The following CDK5RAP2 variants were observed in gnomAD, a reference collection of about 807,000 sequenced individuals.
CDK5RAP2 encodes the protein CDK5 regulatory subunit associated protein 2, also known as CDK5 regulatory subunit-associated protein 2.
CDK5RAP2 carries 147 observed loss-of-function variants against 232.9 expected under a neutral mutation model. The ratio of observed to expected loss-of-function variants is 0.63; its 90% CI spans 0.55 to 0.72. The LOEUF (loss-of-function observed/expected upper bound fraction) is 0.72, where lower values mean the gene tolerates loss of function less well. Ranked by LOEUF, CDK5RAP2 falls within the 30% of genes least tolerant of loss-of-function variation. The pLI, the probability that CDK5RAP2 is intolerant of heterozygous loss-of-function variation, is 0.00. For missense variants in CDK5RAP2, 2,195 were observed against 2,231.5 expected (o/e 0.98, Z 0.33); for synonymous variants, 833 against 833.7 (o/e 1.00, Z 0.01).
intron 18 of CDK5RAP2, among the ~76,000 whole-genome samples, chr9:120,460,974 C>T (rs79964630): frequency 0.078 from 11,932 of 152,156 alleles, 933 homozygotes; most frequent in African/African-American, 0.2. Flanking sequence ...TTAAAAATGC[C>T]GTCTATTATG....
rs752783563 is a variant in CDK5RAP2, at chr9:120,453,721, G to T, written c.2528C>A (p.Ser843Tyr). Residue 843 changes from serine (S) to tyrosine (Y), a missense_variant, in exon 21 of 38, where the codon TCC becomes TAC. Transcript: ENST00000349780. Reference sequence around the variant, plus strand: ...CAACTTCAGTTCATCATGTGGCTTGGAAAATGAGTTGGTTTGGACAAAATG... The same window carrying T: ...CAACTTCAGTTCATCATGTGGCTTGTAAAATGAGTTGGTTTGGACAAAATG... ...LVHFVQTNSF[S>Y]KPHDELKLSC... The T allele has an allele frequency of 6.2e-7, 1 of 1,614,218 alleles. No individual in the cohort carries two copies. The highest frequency in any genetic ancestry group is 8.5e-7 in the Non-Finnish European group (1 of 1,180,036).
At chr9:120,414,155 G>A (rs1179014721) in intron 28 of CDK5RAP2, among the ~76,000 whole-genome samples, 1 of 152,244 alleles carries the variant, frequency 6.6e-6, no homozygotes, top group Non-Finnish European at 1.5e-5. Context: ...CATTTACTGA[G>A]TGAGGCACTG....
chr9:120,460,513 G>A, intron 19 of CDK5RAP2, 59 bp downstream of exon 19: 5 of 1,511,298 alleles, frequency 3.3e-6, no homozygotes, highest in Non-Finnish European at 4.6e-6. Context: ...CAGACTCGAA[G>A]ACTGATTTGG....
chr9:120,536,563 A>C, intron 6 of CDK5RAP2, 37 bp from the exon 7 acceptor site: 1 of 1,599,836 alleles, frequency 6.3e-7, no homozygotes. Context: ...GCAATTTTTC[A>C]ATACAATTGG....
intron 3 of CDK5RAP2, among the ~76,000 whole-genome samples, chr9:120,552,962 T>C (rs908259189): frequency 2.0e-5 from 3 of 152,158 alleles, no homozygotes; most frequent in African/African-American, 7.2e-5. Context: ...TAGATGAATA[T>C]ACATGGTTGT....
chr9:120,391,205 T>G (rs530560217), intron 36 of CDK5RAP2, among the ~76,000 whole-genome samples: 1 of 152,046 alleles, frequency 6.6e-6, no homozygotes, highest in African/African-American at 2.4e-5. Context: ...TGAAGATGAT[T>G]GTGAAAGAGC....
At chr9:120,511,545 T>C (rs2040084160) in intron 12 of CDK5RAP2, among the ~76,000 whole-genome samples, 2 of 152,154 alleles carry the variant, frequency 1.3e-5, no homozygotes, top group Admixed American at 1.3e-4. Context: ...GTACTCTTTA[T>C]AAAAGCTCAC....
chr9:120,573,565 TA>T (rs547643481), intron 1 of CDK5RAP2, among the ~76,000 whole-genome samples: 5 of 145,892 alleles, frequency 3.4e-5, no homozygotes, highest in East Asian at 2.0e-4. Context: ...AAAAAAAATT[TA>T]AAAAAAAAAG....
At chr9:120,519,462 G>A (rs2040521054) in intron 11 of CDK5RAP2, among the ~76,000 whole-genome samples, 1 of 152,008 alleles carries the variant, frequency 6.6e-6, no homozygotes, top group South Asian at 2.1e-4. Context: ...AAACAACCTT[G>A]ACAAATAGAT....
At chr9:120,487,260 T>C in intron 14 of CDK5RAP2, 34 bp downstream of exon 14, 1 of 1,612,404 alleles carries the variant, frequency 6.2e-7, no homozygotes. Flanking sequence ...ATGAATCCAT[T>C]CGCATGTGAA....
At chr9:120,466,030 CA>C (rs1258410036) in intron 18 of CDK5RAP2, among the ~76,000 whole-genome samples, 1 of 152,034 alleles carries the variant, frequency 6.6e-6, no homozygotes, top group Non-Finnish European at 1.5e-5. Context: ...CTCTCTTTTC[CA>C]AATGTTGGGG....
intron 4 of CDK5RAP2, among the ~76,000 whole-genome samples, chr9:120,549,171 A>AAAG (rs1554780650): frequency 6.6e-6 from 1 of 150,392 alleles, no homozygotes; most frequent in Non-Finnish European, 1.5e-5. Context: ...AAAAAAAAAA[A>AAAG]AGAGACAGAA....
chr9:120,484,506 G>A (rs541366929), intron 14 of CDK5RAP2, among the ~76,000 whole-genome samples: 1 of 152,114 alleles, frequency 6.6e-6, no homozygotes, highest in African/African-American at 2.4e-5. Context: ...TGGATCATTT[G>A]AGGTCAGAAG....
rs111579431 is a variant in CDK5RAP2, at chr9:120,450,882, T to G, written c.2793+2574A>C. On this transcript the variant is annotated intron_variant, in intron 21 of 37. Transcript: ENST00000349780. ...CACTGCTCAGTTCGGAAAAGTGAGA[T>G]GCTTTCTGCTCTGAAATTCCAGGTA... is the stretch of plus-strand genomic sequence containing the variant. Among the ~76,000 whole-genome samples the G allele has an allele frequency of 2.0e-3, 298 of 152,336 alleles. 2 individuals carry two copies. The highest frequency in any genetic ancestry group is 6.3e-3 in the African/African-American group (263 of 41,586).
intron 20 of CDK5RAP2, among the ~76,000 whole-genome samples, chr9:120,455,711 T>A (rs2036732292): frequency 6.6e-6 from 1 of 150,684 alleles, no homozygotes. Flanking sequence ...CACTACAGCC[T>A]GGGCAACAGA....
At chr9:120,563,830 A>G (rs2042547368) in intron 3 of CDK5RAP2, among the ~76,000 whole-genome samples, 1 of 152,208 alleles carries the variant, frequency 6.6e-6, no homozygotes, top group African/African-American at 2.4e-5. Context: ...AAAGATGCAA[A>G]CCTCCTAGTG....
intron 6 of CDK5RAP2, among the ~76,000 whole-genome samples, chr9:120,538,446 G>A (rs1028772737): frequency 1.3e-5 from 2 of 152,118 alleles, no homozygotes; most frequent in African/African-American, 4.8e-5. Context: ...TCCCATCACA[G>A]TGACAGGAAA....
At chr9:120,559,004 C>T (rs1490451529) in intron 3 of CDK5RAP2, among the ~76,000 whole-genome samples, 1 of 152,090 alleles carries the variant, frequency 6.6e-6, no homozygotes, top group African/African-American at 2.4e-5. Flanking sequence ...AATGAGTGAA[C>T]AAATTAATGA....
At chr9:120,552,528 T>C (rs2042081547) in intron 3 of CDK5RAP2, among the ~76,000 whole-genome samples, 1 of 151,896 alleles carries the variant, frequency 6.6e-6, no homozygotes, top group African/African-American at 2.4e-5. Flanking sequence ...AAAGGATGAA[T>C]TCATGTCCTT....
Sources: allele counts gnomAD v4.1 joint callset (sites outside exome capture counted in the v4.1 genomes callset), GRCh38; gene constraint gnomAD v4.1.1; transcripts MANE v1.5; gene names NCBI Gene and HGNC (gene_info 2026-07-23, HGNC 2026-07-21).